RETREG1: variants seen among roughly 807,000 people sequenced by gnomAD.
RETREG1 encodes the protein reticulophagy regulator 1.
RETREG1 carries 44 observed loss-of-function variants against 54.8 expected under a neutral mutation model. The observed-to-expected ratio is 0.80, with a 90% confidence interval of 0.63 to 1.03. The LOEUF is 1.03. Among genes scored for constraint, RETREG1 ranks in the 50% least tolerant of loss-of-function variants. The probability of loss-of-function intolerance (pLI) is 0.00; values close to 1 mark genes in which losing one functional copy is unlikely to be tolerated. For missense variants in RETREG1, 554 were observed against 605.1 expected, an observed-to-expected ratio of 0.92 and a Z score of 0.89; for synonymous variants, 217 against 238.5, an observed-to-expected ratio of 0.91 and a Z score of 0.83.
rs1561133010 is a variant in RETREG1, at chr5:16,593,041, C to G, written c.321-20939G>C. ...AACACACTTGAACTTAAAAGTTTTT[C>G]AAAAAAAAAGAAAAGGAAAATGTGG... On this transcript the variant is annotated intron_variant, in intron 1 of 8. Coordinates refer to ENST00000306320, the MANE Select transcript of RETREG1 (RefSeq NM_001034850.3). The surrounding 1 kb of genome is among the most constrained non-coding windows in gnomAD (Gnocchi z 4.9). Among the ~76,000 whole-genome samples, 2 of 150,016 alleles carry G rather than the reference C, an allele frequency of 1.3e-5. No individual in the cohort carries two copies. Among genetic ancestry groups the G allele is most frequent in the African/African-American group, 4.9e-5 (2 of 40,782 alleles).
intron 2 of RETREG1, among the ~76,000 whole-genome samples, chr5:16,570,300 T>A (rs557197055): frequency 3.3e-5 from 5 of 152,196 alleles, no homozygotes; most frequent in Non-Finnish European, 7.3e-5. Flanking sequence ...AGTATGAAAT[T>A]TCCACATCTG....
chr5:16,604,359 T>A (rs895392816), intron 1 of RETREG1, among the ~76,000 whole-genome samples: 4 of 152,150 alleles, frequency 2.6e-5, no homozygotes, highest in Non-Finnish European at 5.9e-5. Flanking sequence ...TGCAGTGTGG[T>A]GTGATAATTA....
At chr5:16,601,894 G>T (rs1372182903) in intron 1 of RETREG1, among the ~76,000 whole-genome samples, 2 of 152,148 alleles carry the variant, frequency 1.3e-5, no homozygotes, top group Admixed American at 1.3e-4. Context: ...AAGAGATCAG[G>T]CATTGGCAGG....
chr5:16,583,146 G>A (rs533933109), intron 1 of RETREG1, among the ~76,000 whole-genome samples: 3 of 152,194 alleles, frequency 2.0e-5, no homozygotes, highest in South Asian at 2.1e-4. Flanking sequence ...GAAGGTACTC[G>A]AGTGACCTTC....
intron 3 of RETREG1, among the ~76,000 whole-genome samples, chr5:16,549,218 C>T (rs903179742): frequency 6.6e-6 from 1 of 152,188 alleles, no homozygotes; most frequent in African/African-American, 2.4e-5. Context: ...TCATTTATTA[C>T]AAGCTGTGTA....
intron 1 of RETREG1, among the ~76,000 whole-genome samples, chr5:16,581,826 C>T (rs1742492933): frequency 6.6e-6 from 1 of 152,060 alleles, no homozygotes; most frequent in African/African-American, 2.4e-5. Context: ...TAGAATACAA[C>T]CTTTTAAAAT....
chr5:16,615,124 G>A (rs1191142035), intron 1 of RETREG1, among the ~76,000 whole-genome samples: 4 of 152,094 alleles, frequency 2.6e-5, no homozygotes, highest in African/African-American at 7.2e-5. Context: ...AAGGCCGGGC[G>A]CAGTAGCTCA....
intron 1 of RETREG1, among the ~76,000 whole-genome samples, chr5:16,591,734 C>G (rs1259440014): frequency 6.6e-6 from 1 of 152,178 alleles, no homozygotes; most frequent in Non-Finnish European, 1.5e-5. Context: ...AGGCCCTAAC[C>G]AAGTCCAACG....
chr5:16,606,489 G>A lies in RETREG1; in HGVS notation c.320+10163C>T, dbSNP rs972365050. Among the ~76,000 whole-genome samples, 18 of 152,248 alleles carry A rather than the reference G, an allele frequency of 1.2e-4. No homozygotes were observed. In the Middle Eastern group the frequency reaches 0.01, roughly 86 times the overall value. Reference sequence around the variant, plus strand: ...TCAGTCTGTGTCACTGTAGTGACACGTGGATAATTCACCTGGTAAGCTACA... The same window carrying A: ...TCAGTCTGTGTCACTGTAGTGACACATGGATAATTCACCTGGTAAGCTACA... On this transcript the variant is annotated intron_variant, in intron 1 of 8. Coordinates refer to ENST00000306320, the MANE Select transcript of RETREG1 (RefSeq NM_001034850.3).
chr5:16,478,748 TA>T, intron 6 of RETREG1, 101 bp downstream of exon 6: 2 of 1,097,844 alleles, frequency 1.8e-6, no homozygotes, highest in African/African-American at 1.6e-5. Flanking sequence ...TAATATTTAG[TA>T]AAAAGCTAAA....
rs1741925216 is a variant in RETREG1 at position 16,563,497 on chromosome 5, C to T, written c.458+2266G>A. On this transcript the variant is annotated intron_variant, in intron 3 of 8. Coordinates refer to ENST00000306320, the MANE Select transcript of RETREG1 (RefSeq NM_001034850.3). The stretch of plus-strand genomic sequence containing the variant: ...CTGGTCTCAAACTCCTGGGCTCAAG[C>T]AATCTGCCCACCTTGGCCTCCCAAA... Among the ~76,000 whole-genome samples, 4 of 152,082 alleles carry T rather than the reference C, an allele frequency of 2.6e-5. No individual in the cohort carries two copies. In the South Asian group the frequency reaches 8.3e-4, roughly 32 times the overall value.
intron 3 of RETREG1, among the ~76,000 whole-genome samples, chr5:16,487,821 G>C (rs182212006): frequency 1.3e-5 from 2 of 152,344 alleles, no homozygotes; most frequent in East Asian, 1.9e-4. Flanking sequence ...AACTCACTTT[G>C]TCCACAGAAA....
At chr5:16,568,342 G>A (rs959740508) in intron 2 of RETREG1, among the ~76,000 whole-genome samples, 5 of 151,192 alleles carry the variant, frequency 3.3e-5, no homozygotes, top group Non-Finnish European at 5.9e-5. Flanking sequence ...CGTGATCTCA[G>A]CTCACTGCAA....
intron 3 of RETREG1, among the ~76,000 whole-genome samples, chr5:16,516,297 AT>A (rs1740353977): frequency 6.6e-6 from 1 of 152,318 alleles, no homozygotes; most frequent in African/African-American, 2.4e-5. Context: ...GGAACTTTAT[AT>A]TGTGTCCTGA....
intron 3 of RETREG1, chr5:16,509,089 G>T: frequency 2.2e-6 from 2 of 910,156 alleles, no homozygotes; most frequent in Non-Finnish European, 2.6e-6. Context: ...AGGGTGGAGT[G>T]GCCACAGGAG....
intron 3 of RETREG1, among the ~76,000 whole-genome samples, chr5:16,533,354 C>T (rs1740967973): frequency 1.3e-5 from 2 of 152,082 alleles, no homozygotes; most frequent in African/African-American, 4.8e-5. Flanking sequence ...ATAATATGAA[C>T]TTAAAACTCT....
At chr5:16,565,716 C>T (rs775935602) in intron 3 of RETREG1, 47 bp downstream of exon 3, 4 of 1,606,314 alleles carry the variant, frequency 2.5e-6, no homozygotes, top group Non-Finnish European at 3.4e-6. Context: ...CAGTCCCCTC[C>T]CTCACCCTCC....
At chr5:16,498,565 T>C (rs1739564434) in intron 3 of RETREG1, among the ~76,000 whole-genome samples, 1 of 152,016 alleles carries the variant, frequency 6.6e-6, no homozygotes, top group Non-Finnish European at 1.5e-5. Flanking sequence ...ATACAAAGAT[T>C]AGCCGGCATG....
rs1029184769 is a variant in RETREG1, at chr5:16,585,504, A to G, written c.321-13402T>C. The stretch of plus-strand genomic sequence containing the variant: ...TAGCTCCACCTAGTGTATAAATTGA[A>G]TACCTGCCCACTCCTATTCCACCTT... On this transcript the variant is annotated intron_variant, in intron 1 of 8. Coordinates refer to ENST00000306320, the MANE Select transcript of RETREG1 (RefSeq NM_001034850.3). This position sits in a 1 kb window ranked among gnomAD's most constrained non-coding sequence, Gnocchi z 4.5. Among the ~76,000 whole-genome samples, 8 of 152,108 alleles carry G rather than the reference A, an allele frequency of 5.3e-5. No individual in the cohort carries two copies. The highest frequency in any genetic ancestry group is 1.2e-4 in the Non-Finnish European group (8 of 68,020).
Sources: gnomAD v4.1 joint callset for allele counts (sites outside exome capture counted in the v4.1 genomes callset) on GRCh38, gnomAD v4.1.1 for gene constraint, Gnocchi (gnomAD v3.1) non-coding constraint, MANE v1.5 for transcripts, NCBI Gene and HGNC (gene_info 2026-07-23, HGNC 2026-07-21) for gene names.